The following C4orf33 variants were observed in gnomAD, a reference collection of about 807,000 sequenced individuals.
C4orf33 encodes the protein UPF0462 protein C4orf33.
Under a neutral mutation model 24.3 loss-of-function variants are expected in C4orf33, and 20 were observed. The ratio of observed to expected loss-of-function variants is 0.82; its 90% CI spans 0.58 to 1.19. The LOEUF (loss-of-function observed/expected upper bound fraction) is 1.19, where lower values mean the gene tolerates loss of function less well. Ranked by LOEUF, C4orf33 falls within the 50% of genes most tolerant of loss-of-function variation. C4orf33 has a pLI of 0.00. For synonymous variants in C4orf33, 67 were observed against 76.4 expected (o/e 0.88, Z 0.64); for missense variants, 207 against 225.9 (o/e 0.92, Z 0.54).
At position 129,111,725 on chromosome 4, in the gene C4orf33, A is replaced by G; in HGVS notation, c.534A>G (p.Thr178=). ...ACTTCAAGTCTTTCAATTTTAACAC[A>G]CTGCTTGGAGAAGAGTGGAAACAAC... The part of the protein sequence containing the change: ...LEYFKSFNFN[T]LLGEEWKQPE... The change falls in exon 6 of 6, where the codon ACA becomes ACG. Residue 178 remains threonine, a synonymous_variant. Coordinates refer to ENST00000425929, the MANE Select transcript of C4orf33 (RefSeq NM_001099783.2). The G allele has an allele frequency of 6.2e-7, 1 of 1,612,862 alleles. No individual in the cohort carries two copies. The highest frequency in any genetic ancestry group is 8.5e-7 in the Non-Finnish European group (1 of 1,179,184).
chr4:129,109,173 C>T, intron 3 of C4orf33, 134 bp from the exon 4 acceptor site: 1 of 960,480 alleles, frequency 1.0e-6, no homozygotes, highest in Non-Finnish European at 1.6e-6. Flanking sequence ...CAGGCGTAAG[C>T]CACCATGCTC....
rs1239354814 is a variant in C4orf33 at position 129,111,968 on chromosome 4, A to T, written c.*177A>T. On this transcript the variant is annotated 3_prime_UTR_variant, in exon 6 of 6. Transcript: ENST00000425929. ...TATATGATTAACAAGAAAATATATG[A>T]TTCTTTGTAGATGATTTCATCTGTA... 2.1e-6 allele frequency: 1 copy of T among 477,932 alleles called. No individual in the cohort carries two copies. Among genetic ancestry groups the T allele is most frequent in the African/African-American group, 2.0e-5 (1 of 50,312 alleles). 29.6% of individuals were successfully genotyped at this position (477,932 alleles called of 1,614,324 possible). A position where few individuals can be genotyped will look rare whatever the true frequency, so the allele number is the denominator to read the frequency against.
At chr4:129,111,639 A>C in intron 5 of C4orf33, 47 bp from the exon 6 acceptor site, 2 of 1,121,850 alleles carry the variant, frequency 1.8e-6, no homozygotes, top group Non-Finnish European at 2.7e-6. Flanking sequence ...CTATTTCACA[A>C]ATGCATAATT....
intron 2 of C4orf33, 161 bp downstream of exon 2, chr4:129,102,952 C>T: frequency 1.8e-6 from 1 of 543,478 alleles, no homozygotes; most frequent in Non-Finnish European, 3.1e-6. Flanking sequence ...GACTTTTTCT[C>T]CATTACCTGT....
At chr4:129,110,666 C>T (rs540386942) in intron 5 of C4orf33, among the ~76,000 whole-genome samples, 1 of 151,986 alleles carries the variant, frequency 6.6e-6, no homozygotes, top group East Asian at 1.9e-4. Flanking sequence ...ATCGTCCTTC[C>T]TCTCCCTGTT....
At chr4:129,100,419 G>A (rs1349752079) in intron 1 of C4orf33, among the ~76,000 whole-genome samples, 1 of 150,946 alleles carries the variant, frequency 6.6e-6, no homozygotes, top group Non-Finnish European at 1.5e-5. Context: ...CTTCCAATGT[G>A]GTCCAGGGAA....
rs1336279699 is a variant in C4orf33 at position 129,116,031 on chromosome 4, T to C, written c.*4240T>C. 6.6e-6 allele frequency: 1 copy of C among 151,588 alleles called. No homozygotes were observed. The highest frequency in any genetic ancestry group is 6.6e-5 in the Admixed American group (1 of 15,204). The allele number at this position is 151,588 out of a possible 1,614,324, so 9.4% of individuals were successfully genotyped here. On this transcript the variant is annotated 3_prime_UTR_variant, in exon 6 of 6. Transcript: ENST00000425929. ...CTCTATTTTTTACCAACTATCATTT[T>C]TCATGGAAGGAATAGTAAAAAGAGT...
intron 2 of C4orf33, among the ~76,000 whole-genome samples, chr4:129,103,940 ATT>A (rs2125801472): frequency 6.6e-6 from 1 of 152,298 alleles, no homozygotes; most frequent in Admixed American, 6.5e-5. Context: ...TTAAATATAT[ATT>A]GTCTTTTATT....
chr4:129,108,918 C>T (rs1371265559), intron 3 of C4orf33, among the ~76,000 whole-genome samples: 7 of 151,852 alleles, frequency 4.6e-5, no homozygotes, highest in African/African-American at 9.7e-5. Flanking sequence ...GACAGAGTCT[C>T]GCTTTGTTGC....
At chr4:129,099,955 T>C (rs188874822) in intron 1 of C4orf33, among the ~76,000 whole-genome samples, 7 of 152,236 alleles carry the variant, frequency 4.6e-5, no homozygotes, top group Admixed American at 4.6e-4. Flanking sequence ...GTCATTGCAA[T>C]AAGAAACGAA....
chr4:129,107,958 T>G (rs1254210658), intron 3 of C4orf33, among the ~76,000 whole-genome samples: 1 of 152,120 alleles, frequency 6.6e-6, no homozygotes, highest in Admixed American at 6.5e-5. Context: ...TAATAGATTT[T>G]AAAGGTTAAA....
upstream of C4orf33, among the ~76,000 whole-genome samples, chr4:129,095,584 G>A (rs549942095): frequency 6.0e-4 from 91 of 152,282 alleles, 1 homozygote; most frequent in South Asian, 0.01. Context: ...AAGTTGTATA[G>A]ATTGAAAATT....
chr4:129,102,820 A>G (rs1422107736), intron 2 of C4orf33, 29 bp downstream of exon 2: 1 of 1,571,590 alleles, frequency 6.4e-7, no homozygotes, highest in Admixed American at 1.9e-5. Context: ...TTTTATTGCA[A>G]ACATAAATCT....
At chr4:129,101,424 A>T (rs1753347722) in intron 1 of C4orf33, among the ~76,000 whole-genome samples, 1 of 152,196 alleles carries the variant, frequency 6.6e-6, no homozygotes, top group South Asian at 2.1e-4. Context: ...TGGAAAGGTT[A>T]TCAGGTACTA....
chr4:129,106,775 A>C, intron 3 of C4orf33, 128 bp downstream of exon 3: 1 of 512,582 alleles, frequency 2.0e-6, no homozygotes, highest in Middle Eastern at 4.8e-4. Context: ...TGCTTGAATG[A>C]TATGCTTTTA....
At chr4:129,108,208 T>G (rs1393000503) in intron 3 of C4orf33, among the ~76,000 whole-genome samples, 2 of 152,174 alleles carry the variant, frequency 1.3e-5, no homozygotes, top group African/African-American at 4.8e-5. Flanking sequence ...TCTGTTAGAA[T>G]AGTTTACTGA....
At chr4:129,101,114 A>C (rs989202943) in intron 1 of C4orf33, among the ~76,000 whole-genome samples, 10 of 152,216 alleles carry the variant, frequency 6.6e-5, no homozygotes, top group Non-Finnish European at 1.5e-4. Flanking sequence ...CAAATGGGTT[A>C]TAATACCAGA....
In C4orf33 at chr4:129,108,868, A is replaced by G. The variant is rs181107661; in HGVS notation, c.243-439A>G. Among the ~76,000 whole-genome samples, 251 of 152,238 alleles carry G rather than the reference A, an allele frequency of 1.6e-3. 2 individuals carry two copies. The highest frequency in any genetic ancestry group is 0.014 in the East Asian group (71 of 5,168). ...GCAACTGAACACACTGGCTCTCCCT[A>G]TAATTATCCAATATTAATATTGCAT... On this transcript the variant is annotated intron_variant, in intron 3 of 5. Transcript: ENST00000425929.
chr4:129,102,715 T>C lies in C4orf33; in HGVS notation c.105T>C (p.Ser35=). Reference sequence around the variant, plus strand: ...ACAGAGGAGTGATGATGGACATTAGTGCTCCATTTTTCAGGGATCCTCCAG... The same window carrying C: ...ACAGAGGAGTGATGATGGACATTAGCGCTCCATTTTTCAGGGATCCTCCAG... ...PGDRGVMMDI[S]APFFRDPPAP... The change falls in exon 2 of 6, where the codon AGT becomes AGC. Residue 35 remains serine, a synonymous_variant. Transcript: ENST00000425929. The C allele has an allele frequency of 6.2e-7, 1 of 1,614,106 alleles. No individual in the cohort carries two copies. The highest frequency in any genetic ancestry group is 1.3e-5 in the African/African-American group (1 of 75,066).
Sources: allele counts gnomAD v4.1 joint callset (sites outside exome capture counted in the v4.1 genomes callset), GRCh38; gene constraint gnomAD v4.1.1; transcripts MANE v1.5; gene names NCBI Gene and HGNC (gene_info 2026-07-23, HGNC 2026-07-21).